The following TENM2 variants were observed in gnomAD, a reference collection of about 807,000 sequenced individuals.
TENM2 encodes teneurin-2.
In TENM2, 52 loss-of-function variants were observed where a neutral mutation model predicts 245.2. The observed-to-expected ratio is 0.21, with a 90% CI of 0.17 to 0.27. TENM2 has a LOEUF of 0.27. Among genes scored for constraint, TENM2 ranks in the 10% least tolerant of loss-of-function variants. The probability of loss-of-function intolerance (pLI) is 1.00; values close to 1 mark genes in which losing one functional copy is unlikely to be tolerated. For missense variants in TENM2, 3,046 were observed against 3,666.8 expected, an observed-to-expected ratio of 0.83 and a Z score of 4.37; for synonymous variants, 1,363 against 1,438.9, an observed-to-expected ratio of 0.95 and a Z score of 1.19.
chr5:168,205,088 T>G (rs1293359246), intron 19 of TENM2, among the ~76,000 whole-genome samples: 1 of 152,196 alleles, frequency 6.6e-6, no homozygotes, highest in Non-Finnish European at 1.5e-5. Flanking sequence ...GGTAGATTCC[T>G]CCTGCCCATT....
At chr5:167,034,761 C>G in the TENM2 span, among the ~76,000 whole-genome samples, 7 of 151,532 alleles carry the variant, frequency 4.6e-5, no homozygotes, top group African/African-American at 9.7e-5. Context: ...TTCCGAGTCT[C>G]TTTGAGGCTC....
intron 1 of TENM2, among the ~76,000 whole-genome samples, chr5:167,330,051 C>T (rs1052645602): frequency 5.3e-5 from 8 of 152,070 alleles, no homozygotes; most frequent in Non-Finnish European, 1.0e-4. Flanking sequence ...AGAAAATCTC[C>T]GTTCTTTTTG....
At chr5:168,038,986 C>A (rs1397947583) in intron 5 of TENM2, among the ~76,000 whole-genome samples, 1 of 152,018 alleles carries the variant, frequency 6.6e-6, no homozygotes, top group Non-Finnish European at 1.5e-5. Flanking sequence ...GAAATAAATC[C>A]CAACCCTCTC....
chr5:167,866,497 CAAAAAAA>C (rs57131518), intron 2 of TENM2, among the ~76,000 whole-genome samples: 3 of 80,136 alleles, frequency 3.7e-5, no homozygotes, highest in African/African-American at 1.1e-4. Context: ...GACTCCATCT[CAAAAAAA>C]AAAAAAAAAA....
rs537839220 is a variant in TENM2 at position 168,185,836 on chromosome 5, A to T, written c.2570-4501A>T. ...CATTTACTTTTGCATCTTTTTTTTT[A>T]AAATGAAAAAGTGGAAGACTTCAGG... On this transcript the variant is annotated intron_variant, in intron 13 of 28. Transcript: ENST00000518659. 4.7e-3 allele frequency among the ~76,000 whole-genome samples: 693 copies of T among 148,620 alleles called. 4 individuals are homozygous for T. The highest frequency in any genetic ancestry group is 0.016 in the African/African-American group (658 of 40,894).
intron 2 of TENM2, among the ~76,000 whole-genome samples, chr5:167,830,181 A>T (rs1768343408): frequency 6.6e-6 from 1 of 152,238 alleles, no homozygotes; most frequent in African/African-American, 2.4e-5. Flanking sequence ...TCTGACTGTG[A>T]AACTCTCTCA....
intron 20 of TENM2, among the ~76,000 whole-genome samples, chr5:168,212,443 T>G (rs764913168): frequency 1.2e-3 from 176 of 152,336 alleles, no homozygotes; most frequent in Non-Finnish European, 2.1e-3. Flanking sequence ...ATGAAGATAG[T>G]GTGAGCTTTC....
intron 2 of TENM2, among the ~76,000 whole-genome samples, chr5:167,528,076 C>T (rs866446396): frequency 1.1e-4 from 16 of 152,156 alleles, no homozygotes; most frequent in African/African-American, 3.9e-4. Context: ...AGTCTTCTGA[C>T]AAATTTCATA....
At chr5:167,858,499 G>A (rs998434537) in intron 2 of TENM2, among the ~76,000 whole-genome samples, 1 of 152,214 alleles carries the variant, frequency 6.6e-6, no homozygotes. Context: ...GTTGGTAGTG[G>A]CTTCTTTCCT....
chr5:167,979,420 G>A (rs1482870792), intron 4 of TENM2, among the ~76,000 whole-genome samples: 2 of 152,210 alleles, frequency 1.3e-5, no homozygotes, highest in African/African-American at 2.4e-5. Flanking sequence ...TAAGGATCAC[G>A]TACATTTACC....
intron 27 of TENM2, among the ~76,000 whole-genome samples, chr5:168,257,535 G>A (rs1231418222): frequency 6.6e-6 from 1 of 152,154 alleles, no homozygotes; most frequent in Non-Finnish European, 1.5e-5. Context: ...CCATTAGAAG[G>A]ACTTTGGCTT....
chr5:167,046,219 G>A, the TENM2 span, among the ~76,000 whole-genome samples: 2 of 151,936 alleles, frequency 1.3e-5, no homozygotes, highest in South Asian at 2.1e-4. Flanking sequence ...CTCTCCTCCT[G>A]CCCATACCCA....
At chr5:167,140,963 C>A in the TENM2 span, among the ~76,000 whole-genome samples, 1 of 152,134 alleles carries the variant, frequency 6.6e-6, no homozygotes, top group Non-Finnish European at 1.5e-5. Flanking sequence ...GTATAGAAAC[C>A]TAGCAGCATT....
At chr5:167,492,701 A>C (rs1768511384) in intron 2 of TENM2, among the ~76,000 whole-genome samples, 1 of 152,092 alleles carries the variant, frequency 6.6e-6, no homozygotes, top group Admixed American at 6.6e-5. Flanking sequence ...CATTCAAAAA[A>C]CCTGGGGACA....
chr5:167,700,159 C>G (rs1488599169), intron 2 of TENM2, among the ~76,000 whole-genome samples: 1 of 152,080 alleles, frequency 6.6e-6, no homozygotes, highest in Non-Finnish European at 1.5e-5. Context: ...GTACCTGACT[C>G]AAAAAATTTA....
chr5:168,058,766 T>A (rs1789780966), intron 6 of TENM2, among the ~76,000 whole-genome samples: 1 of 152,222 alleles, frequency 6.6e-6, no homozygotes, highest in African/African-American at 2.4e-5. Flanking sequence ...GCCAGATGCT[T>A]TCCCACATAG....
intron 1 of TENM2, among the ~76,000 whole-genome samples, chr5:167,327,103 C>T (rs1757134230): frequency 6.6e-6 from 1 of 152,020 alleles, no homozygotes; most frequent in Admixed American, 6.5e-5. Context: ...TATACATGTG[C>T]CATGTTGGTG....
intron 1 of TENM2, among the ~76,000 whole-genome samples, chr5:167,369,365 G>A (rs1012035504): frequency 6.6e-6 from 1 of 152,288 alleles, no homozygotes; most frequent in African/African-American, 2.4e-5. Flanking sequence ...AGTTCCCATC[G>A]TCGTGACCAC....
the TENM2 span, among the ~76,000 whole-genome samples, chr5:167,263,476 A>G: frequency 6.6e-6 from 1 of 152,190 alleles, no homozygotes; most frequent in Non-Finnish European, 1.5e-5. Flanking sequence ...GACTATTTTC[A>G]TCTCTGGACA....
Sources: allele counts gnomAD v4.1 joint callset (sites outside exome capture counted in the v4.1 genomes callset), GRCh38; gene constraint gnomAD v4.1.1; transcripts MANE v1.5; gene names NCBI Gene and HGNC (gene_info 2026-07-23, HGNC 2026-07-21).